TRPM3: variants seen among roughly 807,000 people sequenced by gnomAD.
TRPM3 encodes long transient receptor potential channel 3.
A neutral mutation model predicts 181.2 loss-of-function variants in TRPM3; 77 were observed. The observed-to-expected ratio is 0.42, with a 90% CI of 0.35 to 0.51. The LOEUF is 0.51. Among genes scored for constraint, TRPM3 ranks in the 20% least tolerant of loss-of-function variants. The probability of loss-of-function intolerance (pLI) is 0.01; values close to 1 mark genes in which losing one functional copy is unlikely to be tolerated. For synonymous variants in TRPM3, 745 were observed against 796.4 expected (o/e 0.94, Z 1.09); for missense variants, 1,759 against 2,196.7 (o/e 0.80, Z 3.98).
At chr9:71,015,414 C>A (rs1262242496) in intron 1 of TRPM3, among the ~76,000 whole-genome samples, 1 of 152,106 alleles carries the variant, frequency 6.6e-6, no homozygotes, top group Non-Finnish European at 1.5e-5. Flanking sequence ...ACACTTCAGC[C>A]AGGGGTTGGA....
At chr9:71,184,940 T>TATAGAAACACATACACACACAA (rs2077592853) in intron 1 of TRPM3, among the ~76,000 whole-genome samples, 1 of 152,084 alleles carries the variant, frequency 6.6e-6, no homozygotes, top group Admixed American at 6.6e-5. Context: ...TCAACACACA[T>TATAGAAACACATACACACACAA]ATAGAAACAC....
chr9:71,059,041 T>TTTA (rs34384966), intron 1 of TRPM3, among the ~76,000 whole-genome samples: 1 of 146,480 alleles, frequency 6.8e-6, no homozygotes, highest in African/African-American at 2.5e-5. Context: ...TTTTTTTTTT[T>TTTA]ACCAGTCACT....
At chr9:71,096,586 A>ACTCTCTCT (rs1410846317) in intron 1 of TRPM3, among the ~76,000 whole-genome samples, 2 of 100,188 alleles carry the variant, frequency 2.0e-5, no homozygotes, top group African/African-American at 9.6e-5. Context: ...ACACACACAC[A>ACTCTCTCT]CACACTCTCT....
chr9:71,408,031 AAC>A (rs2093470490), intron 1 of TRPM3, among the ~76,000 whole-genome samples: 1 of 152,236 alleles, frequency 6.6e-6, no homozygotes. Context: ...AAGGAAAACT[AAC>A]AAACAGAAAG....
rs74615920 is a variant in TRPM3, at chr9:70,975,428, T to C, written c.178-110917A>G. On this transcript the variant is annotated intron_variant, in intron 1 of 25. Coordinates refer to ENST00000677713, the MANE Select transcript of TRPM3 (RefSeq NM_001366145.2). The stretch of plus-strand genomic sequence containing the variant: ...TCCATGTGACTCTTGAAAACAAATA[T>C]AATACTGCCTAGGGCTGGCTTCAAG... Among the ~76,000 whole-genome samples, 368 of 152,288 alleles carry C rather than the reference T, an allele frequency of 2.4e-3. 3 individuals are homozygous for C. The highest frequency in any genetic ancestry group is 8.5e-3 in the African/African-American group (354 of 41,564).
intron 1 of TRPM3, among the ~76,000 whole-genome samples, chr9:71,380,710 T>C (rs1451423669): frequency 6.6e-6 from 1 of 152,102 alleles, no homozygotes; most frequent in Non-Finnish European, 1.5e-5. Context: ...TCATTTTTCC[T>C]GAGTTTTGTC....
intron 1 of TRPM3, among the ~76,000 whole-genome samples, chr9:70,911,400 C>T (rs895140802): frequency 6.6e-6 from 1 of 152,188 alleles, no homozygotes; most frequent in African/African-American, 2.4e-5. Flanking sequence ...ATACTCCCTT[C>T]CAGAGTAATT....
At chr9:71,129,505 T>C (rs1461627012) in intron 1 of TRPM3, among the ~76,000 whole-genome samples, 1 of 152,192 alleles carries the variant, frequency 6.6e-6, no homozygotes, top group Non-Finnish European at 1.5e-5. Context: ...TTAGTTATCA[T>C]AACAAACCTG....
intron 12 of TRPM3, among the ~76,000 whole-genome samples, chr9:70,629,871 A>C (rs926482064): frequency 2.0e-5 from 3 of 152,216 alleles, no homozygotes; most frequent in African/African-American, 7.2e-5. Context: ...TACCTTTCTT[A>C]CTAGGAAGAG....
intron 9 of TRPM3, among the ~76,000 whole-genome samples, chr9:70,659,221 T>C (rs572048268): frequency 2.7e-4 from 41 of 152,258 alleles, no homozygotes; most frequent in African/African-American, 9.1e-4. Context: ...GGAACTGAAC[T>C]TGACTTATGG....
At chr9:71,426,036 C>G (rs576436429) in intron 1 of TRPM3, among the ~76,000 whole-genome samples, 13 of 152,180 alleles carry the variant, frequency 8.5e-5, no homozygotes, top group Non-Finnish European at 1.5e-4. Context: ...TAATATTATA[C>G]CCCTTGTGCC....
chr9:71,014,835 T>C (rs1024975968), intron 1 of TRPM3, among the ~76,000 whole-genome samples: 3 of 152,174 alleles, frequency 2.0e-5, no homozygotes, highest in Non-Finnish European at 2.9e-5. Flanking sequence ...TTTACATTTA[T>C]GGGGATAGCT....
At chr9:71,420,605 G>A (rs1275086731) in intron 1 of TRPM3, among the ~76,000 whole-genome samples, 1 of 118,444 alleles carries the variant, frequency 8.4e-6, no homozygotes, top group Non-Finnish European at 1.7e-5. Flanking sequence ...AAAGAGAAGA[G>A]AAAGAAAGAA....
At chr9:70,798,157 C>T (rs535389237) in intron 6 of TRPM3, among the ~76,000 whole-genome samples, 6 of 152,282 alleles carry the variant, frequency 3.9e-5, no homozygotes, top group East Asian at 1.9e-4. Context: ...CAGGCTCAAC[C>T]GATCCTCCAA....
intron 24 of TRPM3, among the ~76,000 whole-genome samples, chr9:70,552,195 T>C (rs2046631445): frequency 6.6e-6 from 1 of 152,160 alleles, no homozygotes; most frequent in Admixed American, 6.5e-5. Flanking sequence ...TAGGAATCTG[T>C]GGGAGTCACC....
At chr9:70,607,293 C>CCAAAG (rs2132916819) in intron 19 of TRPM3, among the ~76,000 whole-genome samples, 1 of 152,186 alleles carries the variant, frequency 6.6e-6, no homozygotes, top group South Asian at 2.1e-4. Context: ...AAAACACAGC[C>CCAAAG]CAAAGCACAT....
intron 20 of TRPM3, among the ~76,000 whole-genome samples, chr9:70,599,195 G>A (rs2059479624): frequency 6.6e-6 from 1 of 151,938 alleles, no homozygotes; most frequent in South Asian, 2.1e-4. Context: ...CTTCTAACTG[G>A]TATCCCCATC....
intron 1 of TRPM3, among the ~76,000 whole-genome samples, chr9:71,401,845 A>G (rs1364011418): frequency 1.3e-5 from 2 of 152,208 alleles, no homozygotes; most frequent in African/African-American, 4.8e-5. Context: ...AGATTTGACT[A>G]CGGACTACTC....
chr9:71,442,797 ATGCGAGACAGCACT>A (rs1326133364), intron 1 of TRPM3, among the ~76,000 whole-genome samples: 1 of 152,252 alleles, frequency 6.6e-6, no homozygotes, highest in African/African-American at 2.4e-5. Context: ...GACATTTGTA[ATGCGAGACAGCACT>A]TGCTGAATCA....
Sources: allele counts gnomAD v4.1 joint callset (sites outside exome capture counted in the v4.1 genomes callset), GRCh38; gene constraint gnomAD v4.1.1; transcripts MANE v1.5; gene names NCBI Gene and HGNC (gene_info 2026-07-23, HGNC 2026-07-21).